Variants in ZNF451 observed in about 807,000 individuals in gnomAD.
ZNF451 encodes the protein zinc finger protein 451, also known as E3 SUMO-protein ligase ZNF451.
In ZNF451, 80 loss-of-function variants were observed where a neutral mutation model predicts 107.1. The ratio of observed to expected loss-of-function variants is 0.75; its 90% confidence interval spans 0.62 to 0.90. The LOEUF is 0.90. ZNF451 is among the 40% of genes least tolerant of loss of function. ZNF451 has a pLI of 0.00. For synonymous variants in ZNF451, 362 were observed against 406.5 expected, an observed-to-expected ratio of 0.89 and a Z score of 1.32; for missense variants, 1,107 against 1,236.2, an observed-to-expected ratio of 0.90 and a Z score of 1.57.
Position 57,152,290 on chromosome 6 carries a change from T to C in ZNF451, c.2822T>C (p.Phe941Ser). ...IYNYLNRIGC[F>S]FLHPRCSKRK... is the part of the protein sequence containing the mutation. ...AACTACCTGAACAGGATTGGATGCT[T>C]CTTCCTTCATCCTCGCTGTAGTAAA... is the stretch of plus-strand genomic sequence containing the variant. The change falls in exon 12 of 15, where the codon TTC (phenylalanine) becomes TCC (serine). Residue 941 changes from phenylalanine to serine, a missense_variant. Around this residue, in one of 5 missense-constraint regions of ZNF451, gnomAD observed 151 missense variants for 173.3 expected, o/e 0.87. Coordinates refer to ENST00000370706, the MANE Select transcript of ZNF451 (RefSeq NM_001031623.3). The C allele has an allele frequency of 6.2e-7, 1 of 1,614,084 alleles. No individual in the cohort carries two copies.
chr6:57,100,649 A>C, intron 3 of ZNF451: 1 of 1,546,208 alleles, frequency 6.5e-7, no homozygotes, highest in East Asian at 2.4e-5. Flanking sequence ...CATCGCCCAG[A>C]AATGTGCTCT....
rs1052982370 is a variant in ZNF451, at chr6:57,158,715, C to A, written c.3071-2369C>A. On this transcript the variant is annotated intron_variant, in intron 13 of 14. Coordinates refer to ENST00000370706, the MANE Select transcript of ZNF451 (RefSeq NM_001031623.3). ...GTTTTCTTATTTGGGCCAGTATCTG[C>A]TCCCTTGAGAATTACATGTAATGAA... 3.0e-6 allele frequency: 3 copies of A among 985,302 alleles called. No homozygotes were observed. In the African/African-American group the frequency reaches 5.2e-5, roughly 17 times the overall value. The allele number at this position is 985,302 out of a possible 1,614,324, so 61.0% of individuals were successfully genotyped here.
chr6:57,131,953 C>T (rs553620506), intron 5 of ZNF451, among the ~76,000 whole-genome samples: 6 of 152,144 alleles, frequency 3.9e-5, no homozygotes, highest in South Asian at 4.2e-4. Context: ...GGAGTTGCCC[C>T]GAGGACATTT....
At chr6:57,112,594 A>G (rs889270999) in intron 3 of ZNF451, among the ~76,000 whole-genome samples, 15 of 151,986 alleles carry the variant, frequency 9.9e-5, no homozygotes, top group African/African-American at 3.6e-4. Context: ...ATCTTTTTCT[A>G]TTACTGGCTT....
At chr6:57,152,171 C>A (rs750991770) in intron 11 of ZNF451, 50 bp from the exon 12 acceptor site, 1 of 1,537,380 alleles carries the variant, frequency 6.5e-7, no homozygotes. Context: ...AAATTTTTGG[C>A]CTTTCCTCTC....
intron 13 of ZNF451, among the ~76,000 whole-genome samples, chr6:57,159,857 A>G (rs1370785128): frequency 1.3e-5 from 2 of 152,112 alleles, no homozygotes; most frequent in Non-Finnish European, 2.9e-5. Context: ...TTTAATGTAT[A>G]TTTTAAGTTT....
At chr6:57,137,627 T>C (rs1831498856) in intron 7 of ZNF451, among the ~76,000 whole-genome samples, 1 of 152,192 alleles carries the variant, frequency 6.6e-6, no homozygotes, top group Non-Finnish European at 1.5e-5. Context: ...CCCTGTTGTG[T>C]GATAGTGGTG....
At chr6:57,140,920 G>T (rs1397382770) in intron 7 of ZNF451, among the ~76,000 whole-genome samples, 1 of 152,150 alleles carries the variant, frequency 6.6e-6, no homozygotes, top group Non-Finnish European at 1.5e-5. Flanking sequence ...ATTTGTGGAA[G>T]AATAATAATG....
At chr6:57,099,196 TC>T in intron 3 of ZNF451, 55 bp downstream of exon 3, 1 of 1,371,526 alleles carries the variant, frequency 7.3e-7, no homozygotes, top group Non-Finnish European at 1.0e-6. Context: ...TAAGAGGTAT[TC>T]TCTAAAGAGA....
intron 7 of ZNF451, among the ~76,000 whole-genome samples, chr6:57,138,729 A>ATGTGTGTGTGTGTGTG (rs1168633668): frequency 8.8e-6 from 1 of 114,106 alleles, no homozygotes; most frequent in Non-Finnish European, 1.8e-5. Context: ...ATATATATAT[A>ATGTGTGTGTGTGTGTG]TATATATATA....
rs893530016 is a variant in ZNF451, at chr6:57,090,190, T to G, written c.-64T>G. 33 of 1,570,746 alleles carry G rather than the reference T, an allele frequency of 2.1e-5. No homozygotes were observed. Among genetic ancestry groups the G allele is most frequent in the Non-Finnish European group, 2.7e-5 (31 of 1,157,526 alleles). On this transcript the variant is annotated 5_prime_UTR_variant, in exon 1 of 15. In the 5' UTR this introduces an upstream ATG that the reference lacks. Coordinates refer to ENST00000370706, the MANE Select transcript of ZNF451 (RefSeq NM_001031623.3). ...AGGCGGTGCAGGGCGGGAAGGGGAT[T>G]CGTGGCGACGGCGGCGGCAGGGACA... is the stretch of plus-strand genomic sequence containing the variant.
chr6:57,096,848 T>C (rs1441723900), intron 2 of ZNF451, among the ~76,000 whole-genome samples: 4 of 136,126 alleles, frequency 2.9e-5, no homozygotes, highest in Non-Finnish European at 4.6e-5. Flanking sequence ...CCATCTCAGC[T>C]CACTGCAGCC....
chr6:57,098,965 C>A, intron 2 of ZNF451, 96 bp from the exon 3 acceptor site: 1 of 843,444 alleles, frequency 1.2e-6, no homozygotes, highest in Non-Finnish European at 2.0e-6. Context: ...CAGAGTAATT[C>A]TTGCCAGTCC....
intron 3 of ZNF451, among the ~76,000 whole-genome samples, chr6:57,119,974 A>G (rs943609249): frequency 7.9e-5 from 12 of 152,034 alleles, no homozygotes; most frequent in Non-Finnish European, 1.6e-4. Flanking sequence ...ACTTGGTGTT[A>G]TACATTCTCT....
intron 3 of ZNF451, chr6:57,107,518 C>T (rs1385022144): frequency 1.0e-5 from 10 of 984,260 alleles, no homozygotes; most frequent in Non-Finnish European, 1.2e-5. Context: ...CATGTTCACA[C>T]AAGTTTATTA....
chr6:57,113,873 G>A (rs1409977081), intron 3 of ZNF451, among the ~76,000 whole-genome samples: 2 of 152,002 alleles, frequency 1.3e-5, no homozygotes, highest in Admixed American at 6.6e-5. Flanking sequence ...TGCCCACCTC[G>A]GCCTCCCAAA....
intron 12 of ZNF451, 114 bp downstream of exon 12, chr6:57,152,465 C>A: frequency 8.0e-7 from 1 of 1,245,126 alleles, no homozygotes; most frequent in Non-Finnish European, 1.1e-6. Flanking sequence ...TCAGGTTCTA[C>A]CTATGACTAT....
intron 13 of ZNF451, chr6:57,159,231 G>T (rs1190717641): frequency 7.1e-6 from 7 of 985,242 alleles, no homozygotes; most frequent in Non-Finnish European, 8.4e-6. Flanking sequence ...ATTAATATTT[G>T]CAACCCCATG....
chr6:57,105,227 G>A, intron 3 of ZNF451: 1 of 985,314 alleles, frequency 1.0e-6, no homozygotes, highest in Non-Finnish European at 1.2e-6. Flanking sequence ...TGGAATAGTT[G>A]CAAGTTTAAT....
Sources: allele counts gnomAD v4.1 joint callset (sites outside exome capture counted in the v4.1 genomes callset), GRCh38; gene constraint gnomAD v4.1.1; regional missense constraint gnomAD v4.1.1; transcripts MANE v1.5; gene names NCBI Gene and HGNC (gene_info 2026-07-23, HGNC 2026-07-21).